Variants in AOX1 observed in about 807,000 individuals in gnomAD.
AOX1 encodes the protein aldehyde oxidase.
AOX1 carries 153 observed loss-of-function variants against 169.5 expected under a neutral mutation model. That is an observed-to-expected ratio of 0.90 (90% confidence interval 0.79 to 1.03). The LOEUF (loss-of-function observed/expected upper bound fraction) is 1.03. Ranked by LOEUF, AOX1 falls within the 50% of genes least tolerant of loss-of-function variation. The pLI, the probability that AOX1 is intolerant of heterozygous loss-of-function variation, is 0.00. For synonymous variants in AOX1, 562 were observed against 581.9 expected (o/e 0.97, Z 0.49); for missense variants, 1,656 against 1,663.9 (o/e 1.00, Z 0.08).
rs1281187393 is a variant in AOX1, at chr2:200,666,600, A to AG, written c.3544-86dup. 5 of 858,752 alleles carry AG rather than the reference A, an allele frequency of 5.8e-6. No homozygotes were observed. In the African/African-American group the frequency reaches 8.7e-5, roughly 15 times the overall value. 53.2% of individuals were successfully genotyped at this position (858,752 alleles called of 1,614,324 possible). A position where few individuals can be genotyped will look rare whatever the true frequency, so the allele number is the denominator to read the frequency against. Reference sequence around the variant, plus strand: ...GGCTGAAAGAAAGGCTTTATACCAAAGTCAGCCTGGCAGGAAGTGTTCCTC... The same window carrying AG: ...GGCTGAAAGAAAGGCTTTATACCAAAGGTCAGCCTGGCAGGAAGTGTTCCTC... On this transcript the variant is annotated intron_variant, in intron 31 of 34. Coordinates refer to ENST00000374700, the MANE Select transcript of AOX1 (RefSeq NM_001159.4).
At chr2:200,680,763 C>T (rs919628798), downstream of AOX1, among the ~76,000 whole-genome samples, 4 of 152,076 alleles carry the variant, frequency 2.6e-5, no homozygotes, top group Non-Finnish European at 5.9e-5. Flanking sequence ...CCAGGCTGGT[C>T]TCAAACTCCT....
In AOX1 at chr2:200,595,381, A is replaced by G. The variant is rs7597590; in HGVS notation, c.200+13A>G. The G allele has an allele frequency of 0.19, 308,235 of 1,598,746 alleles. 32,544 individuals are homozygous for G. The highest frequency in any genetic ancestry group is 0.45 in the East Asian group (20,237 of 44,700). On this transcript the variant is annotated intron_variant, in intron 3 of 34. Transcript: ENST00000374700. ...CCAAGAGGATAAGGTACCGTGCAGC[A>G]AAGTCCAGATATGGTTGAATTTTTA...
chr2:200,602,864 A>G (rs2034445433), intron 6 of AOX1, among the ~76,000 whole-genome samples: 1 of 152,212 alleles, frequency 6.6e-6, no homozygotes, highest in African/African-American at 2.4e-5. Flanking sequence ...AATGAAGGAT[A>G]TAAGATTGCC....
intron 26 of AOX1, among the ~76,000 whole-genome samples, chr2:200,654,858 ACAGT>A (rs1447463848): frequency 1.6e-4 from 25 of 152,352 alleles, no homozygotes; most frequent in African/African-American, 6.0e-4. Context: ...AATGAGCTGT[ACAGT>A]GGTGCCACTT....
chr2:200,608,246 T>C (rs2034556834), intron 10 of AOX1, among the ~76,000 whole-genome samples: 1 of 152,230 alleles, frequency 6.6e-6, no homozygotes, highest in South Asian at 2.1e-4. Flanking sequence ...ATTGTCTGAA[T>C]AGTTCAGTTT....
chr2:200,609,175 T>C (rs1326245626), intron 11 of AOX1, 40 bp downstream of exon 11: 1 of 1,608,392 alleles, frequency 6.2e-7, no homozygotes, highest in Non-Finnish European at 8.5e-7. Context: ...ATGCATCCCT[T>C]GGGTGACTCT....
intron 15 of AOX1, among the ~76,000 whole-genome samples, chr2:200,614,865 G>T (rs1293248456): frequency 2.0e-5 from 3 of 152,134 alleles, no homozygotes; most frequent in African/African-American, 7.2e-5. Flanking sequence ...GTGACATATT[G>T]TCACCAGGTA....
intron 19 of AOX1, among the ~76,000 whole-genome samples, chr2:200,626,957 T>A (rs552076880): frequency 2.6e-5 from 4 of 152,172 alleles, no homozygotes; most frequent in Admixed American, 6.5e-5. Context: ...TCAAAGCTGG[T>A]AAGTGGGAAA....
Position 200,641,194 on chromosome 2 carries a change from T to C in AOX1, c.2655+10T>C, listed in dbSNP as rs886446229. On this transcript the variant is annotated intron_variant, in intron 24 of 34. Coordinates refer to ENST00000374700, the MANE Select transcript of AOX1 (RefSeq NM_001159.4). ...GGATGAATCATTATTCGTAAGTGTT[T>C]TAAGGAGCAAGTTCACATTCCTGAA... 1.9e-6 allele frequency: 3 copies of C among 1,579,244 alleles called. No individual in the cohort carries two copies. Among genetic ancestry groups the C allele is most frequent in the African/African-American group, 2.7e-5 (2 of 74,180 alleles).
At position 200,649,104 on chromosome 2, in the gene AOX1, G is replaced by A. The variant is rs746261331; in HGVS notation, c.2848-1870G>A. Among the ~76,000 whole-genome samples, 22 of 152,242 alleles carry A rather than the reference G, an allele frequency of 1.4e-4. 1 individual carries two copies. The South Asian group carries it at 1.4e-3, about 10-fold the overall frequency. On this transcript the variant is annotated intron_variant, in intron 25 of 34. Coordinates refer to ENST00000374700, the MANE Select transcript of AOX1 (RefSeq NM_001159.4). ...CCCTCCCACTGAGCTCTGACCAGGAGGCTTCTTGCCCCATTCAAATTGTTA... is the reference window on the plus strand; with the variant it reads ...CCCTCCCACTGAGCTCTGACCAGGAAGCTTCTTGCCCCATTCAAATTGTTA...
intron 18 of AOX1, 127 bp from the exon 19 acceptor site, chr2:200,623,734 G>T: frequency 1.4e-6 from 2 of 1,393,564 alleles, no homozygotes; most frequent in South Asian, 1.3e-5. Flanking sequence ...GATGTGGAGG[G>T]GTCACACCTG....
chr2:200,604,482 G>A (rs1388533569), intron 8 of AOX1, among the ~76,000 whole-genome samples: 1 of 152,170 alleles, frequency 6.6e-6, no homozygotes, highest in Admixed American at 6.5e-5. Context: ...AGCACCAAAG[G>A]GAGACAGACC....
chr2:200,604,721 G>A lies in AOX1; in HGVS notation c.695G>A (p.Arg232Lys), dbSNP rs2034479518. ...ATAATGGCTGAGAAACAGTCGCAAAGGACCAGGGTGTTTGGCAGTGAGAGA... is the reference window on the plus strand; with the variant it reads ...ATAATGGCTGAGAAACAGTCGCAAAAGACCAGGGTGTTTGGCAGTGAGAGA... ...LMIMAEKQSQ[R>K]TRVFGSERMM... Residue 232 changes from arginine (R) to lysine (K), a missense_variant, in exon 9 of 35, where the codon AGG (arginine) becomes AAG (lysine). Coordinates refer to ENST00000374700, the MANE Select transcript of AOX1 (RefSeq NM_001159.4). The A allele has an allele frequency of 6.2e-7, 1 of 1,614,098 alleles. No individual in the cohort carries two copies. The highest frequency in any genetic ancestry group is 8.5e-7 in the Non-Finnish European group (1 of 1,179,986).
chr2:200,606,480 C>A lies in AOX1; in HGVS notation c.907+852C>A, dbSNP rs1412004851. Among the ~76,000 whole-genome samples the A allele has an allele frequency of 2.0e-5, 3 of 152,156 alleles. No homozygotes were observed. The South Asian group carries it at 6.2e-4, about 32-fold the overall frequency. On this transcript the variant is annotated intron_variant, in intron 10 of 34. Coordinates refer to ENST00000374700, the MANE Select transcript of AOX1 (RefSeq NM_001159.4). ...TTGGCTATACAGGCTCTTTTTGGTTCCTTATGAAATTTAAAGTAGTTTTTC... is the reference window on the plus strand; with the variant it reads ...TTGGCTATACAGGCTCTTTTTGGTTACTTATGAAATTTAAAGTAGTTTTTC...
intron 19 of AOX1, among the ~76,000 whole-genome samples, chr2:200,624,604 G>A (rs1477538612): frequency 6.6e-6 from 1 of 152,166 alleles, no homozygotes; most frequent in Non-Finnish European, 1.5e-5. Flanking sequence ...TCCATGAAGT[G>A]AGTGTCAGAG....
At chr2:200,606,369 C>T (rs2034514080) in intron 10 of AOX1, among the ~76,000 whole-genome samples, 1 of 152,186 alleles carries the variant, frequency 6.6e-6, no homozygotes, top group Non-Finnish European at 1.5e-5. Context: ...CAGTACCATG[C>T]TGTTTTGGTT....
In AOX1 at chr2:200,586,119, C is replaced by A. The variant is rs867346030; in HGVS notation, c.11C>A (p.Ala4Glu). The A allele has an allele frequency of 6.4e-7, 1 of 1,562,538 alleles. No homozygotes were observed. The highest frequency in any genetic ancestry group is 1.9e-5 in the Admixed American group (1 of 53,168). Residue 4 changes from alanine to glutamate, a missense_variant, in exon 1 of 35, where the codon GCG (alanine) becomes GAG (glutamate). Transcript: ENST00000374700. MDR[A>E]SELLFYVNGR... ...AGCGCGGACACCACAATGGACCGGG[C>A]GTCCGAGCTGCTCTTCTACGTGAAC...
chr2:200,593,116 CAACT>C (rs765121110), intron 1 of AOX1, 26 bp from the exon 2 acceptor site: 6 of 1,564,976 alleles, frequency 3.8e-6, no homozygotes, highest in South Asian at 1.1e-5. Flanking sequence ...TTAGCTCTCT[CAACT>C]AACTCTTATT....
At chr2:200,644,371 A>G (rs1227643332) in intron 25 of AOX1, among the ~76,000 whole-genome samples, 4 of 151,766 alleles carry the variant, frequency 2.6e-5, no homozygotes, top group East Asian at 1.9e-4. Flanking sequence ...AGTTGGGTGT[A>G]AGTATTTGGG....
Sources: allele counts gnomAD v4.1 joint callset (sites outside exome capture counted in the v4.1 genomes callset), GRCh38; gene constraint gnomAD v4.1.1; transcripts MANE v1.5; gene names NCBI Gene and HGNC (gene_info 2026-07-23, HGNC 2026-07-21).